HERC4: variants seen among roughly 807,000 people sequenced by gnomAD.
HERC4 encodes the protein probable E3 ubiquitin-protein ligase HERC4.
HERC4 carries 28 observed loss-of-function variants against 124.3 expected under a neutral mutation model. The observed-to-expected ratio is 0.23, with a 90% confidence interval of 0.17 to 0.31. The LOEUF is 0.31. Ranked by LOEUF, HERC4 falls within the 10% of genes least tolerant of loss-of-function variation. HERC4 has a pLI of 1.00. For missense variants in HERC4, 713 were observed against 1,229.3 expected (o/e 0.58, Z 6.28); for synonymous variants, 407 against 421.5 (o/e 0.97, Z 0.42).
chr10:68,006,464 C>G (rs940774693), intron 9 of HERC4, among the ~76,000 whole-genome samples: 1 of 151,848 alleles, frequency 6.6e-6, no homozygotes, highest in East Asian at 1.9e-4. Flanking sequence ...CTCCACCTCC[C>G]GGGTTCAAGC....
intron 15 of HERC4, among the ~76,000 whole-genome samples, chr10:67,979,041 TA>T (rs2035771060): frequency 6.6e-6 from 1 of 152,036 alleles, no homozygotes; most frequent in Non-Finnish European, 1.5e-5. Context: ...AAGACTACAA[TA>T]AATACGTAAC....
chr10:67,930,096 G>A (rs530950026), intron 23 of HERC4, among the ~76,000 whole-genome samples: 16 of 151,870 alleles, frequency 1.1e-4, no homozygotes, highest in African/African-American at 2.9e-4. Flanking sequence ...GTGAGCCACC[G>A]CGCCCGGCCC....
rs201940897 is a variant in HERC4, at chr10:68,047,930, T to TG, written c.227-3368_227-3367insC. Among the ~76,000 whole-genome samples the TG allele has an allele frequency of 4.6e-5, 6 of 130,528 alleles. No homozygotes were observed. In the East Asian group the frequency reaches 2.5e-3, roughly 55 times the overall value. 85.6% of individuals were successfully genotyped at this position (130,528 alleles called of 152,430 possible). A position where few individuals can be genotyped will look rare whatever the true frequency, so the allele number is the denominator to read the frequency against. On this transcript the variant is annotated intron_variant, in intron 3 of 24. Transcript: ENST00000373700. ...CCTGCACATGAATGTTTTGTTTTTG[T>TG]TTTTTTTTTTGTGAGACAGGGTCTC...
intron 22 of HERC4, 41 bp downstream of exon 22, chr10:67,936,112 G>C: frequency 1.6e-6 from 2 of 1,287,638 alleles, no homozygotes; most frequent in Non-Finnish European, 2.2e-6. Context: ...AATGTCTACT[G>C]AATCTTATTA....
intron 23 of HERC4, 49 bp from the exon 24 acceptor site, chr10:67,925,236 T>C (rs374585058): frequency 7.7e-6 from 8 of 1,041,296 alleles, no homozygotes; most frequent in Non-Finnish European, 1.2e-5. Flanking sequence ...CACTGGCTAA[T>C]ATATTAGCAC....
At chr10:67,974,259 C>T (rs954031637) in intron 15 of HERC4, among the ~76,000 whole-genome samples, 2 of 151,872 alleles carry the variant, frequency 1.3e-5, no homozygotes, top group Non-Finnish European at 2.9e-5. Context: ...TAAGCTGTGG[C>T]AGTAGGTAAG....
Position 67,941,065 on chromosome 10 carries a change from A to G in HERC4, c.2378T>C (p.Ile793Thr). 6.2e-7 allele frequency: 1 copy of G among 1,604,054 alleles called. No homozygotes were observed. Among genetic ancestry groups the G allele is most frequent in the Non-Finnish European group, 8.5e-7 (1 of 1,176,632 alleles). Residue 793 changes from isoleucine (I) to threonine (T), a missense_variant, in exon 20 of 25, where the codon ATC becomes ACC. Transcript: ENST00000373700. ...DSDLFHLIGV[I>T]CGLAIYNCTI... ...ACAATTATAAATTGCTAAGCCACAG[A>G]TAACACCAATCAAATGGAACAAATC...
At chr10:68,042,683 A>C (rs1430095198) in intron 4 of HERC4, among the ~76,000 whole-genome samples, 1 of 152,220 alleles carries the variant, frequency 6.6e-6, no homozygotes, top group Non-Finnish European at 1.5e-5. Flanking sequence ...TATAGATACT[A>C]TATGTAAAAT....
At chr10:68,062,517 G>A (rs546982821) in intron 3 of HERC4, among the ~76,000 whole-genome samples, 4 of 152,106 alleles carry the variant, frequency 2.6e-5, no homozygotes, top group African/African-American at 4.8e-5. Flanking sequence ...CACTTTGGGA[G>A]CCAAGGCGGG....
intron 4 of HERC4, among the ~76,000 whole-genome samples, chr10:68,042,333 A>G (rs577057037): frequency 6.6e-6 from 1 of 152,322 alleles, no homozygotes; most frequent in East Asian, 1.9e-4. Context: ...ACGAAAATCT[A>G]TAAACACTAG....
intron 9 of HERC4, among the ~76,000 whole-genome samples, chr10:68,003,039 G>A (rs1300052046): frequency 5.3e-5 from 8 of 152,002 alleles, no homozygotes; most frequent in East Asian, 3.9e-4. Flanking sequence ...TCATTTCTTC[G>A]TGTTACAAAT....
At chr10:67,956,753 C>T in intron 17 of HERC4, 125 bp downstream of exon 17, 1 of 514,594 alleles carries the variant, frequency 1.9e-6, no homozygotes, top group Non-Finnish European at 3.4e-6. Context: ...CAGCAGTCTT[C>T]TTTATAGCTA....
At chr10:67,943,714 A>G (rs1457747338) in intron 19 of HERC4, among the ~76,000 whole-genome samples, 1 of 152,198 alleles carries the variant, frequency 6.6e-6, no homozygotes, top group Non-Finnish European at 1.5e-5. Flanking sequence ...GTGAACAAGG[A>G]GAATCCTAGC....
At chr10:67,940,810 C>T (rs1263290608) in intron 20 of HERC4, 129 bp downstream of exon 20, 1 of 782,340 alleles carries the variant, frequency 1.3e-6, no homozygotes, top group East Asian at 2.9e-5. Flanking sequence ...ATTAGAAGGG[C>T]ATTTGTTTAC....
intron 5 of HERC4, among the ~76,000 whole-genome samples, chr10:68,037,695 C>G (rs947996685): frequency 6.6e-6 from 1 of 152,008 alleles, no homozygotes; most frequent in African/African-American, 2.4e-5. Context: ...ACACCATTCA[C>G]AACAACAAAA....
rs961986097 is a variant in HERC4 at position 68,013,273 on chromosome 10, G to A, written c.1069+753C>T. Among the ~76,000 whole-genome samples, 5 of 152,142 alleles carry A rather than the reference G, an allele frequency of 3.3e-5. No individual in the cohort carries two copies. The South Asian group carries it at 1.0e-3, about 32-fold the overall frequency. On this transcript the variant is annotated intron_variant, in intron 9 of 24. Transcript: ENST00000373700. ...ATAAATATAACTTTTATATGCACTA[G>A]GATACCAAAAATTTTGTGATTTGCT... is the stretch of plus-strand genomic sequence containing the variant.
At chr10:68,039,311 G>C (rs558233614) in intron 4 of HERC4, 1 of 1,224,726 alleles carries the variant, frequency 8.2e-7, no homozygotes, top group African/African-American at 1.9e-5. Context: ...GTAAGACCCT[G>C]TCTCAAAAAA....
intron 9 of HERC4, among the ~76,000 whole-genome samples, chr10:68,006,216 T>C (rs187119388): frequency 2.0e-5 from 3 of 152,106 alleles, no homozygotes; most frequent in African/African-American, 7.3e-5. Context: ...CACACCACAA[T>C]GTCTGTGTAC....
intron 8 of HERC4, among the ~76,000 whole-genome samples, chr10:68,025,304 A>G (rs2038842948): frequency 1.3e-5 from 2 of 152,194 alleles, no homozygotes. Context: ...CAACTACAAT[A>G]AATATAATAT....
Sources: gnomAD v4.1 joint callset for allele counts (sites outside exome capture counted in the v4.1 genomes callset) on GRCh38, gnomAD v4.1.1 for gene constraint, MANE v1.5 for transcripts, NCBI Gene and HGNC (gene_info 2026-07-23, HGNC 2026-07-21) for gene names.